The following SRGN variants were observed in gnomAD, a reference collection of about 807,000 sequenced individuals.
The protein encoded by SRGN is hematopoetic proteoglycan core peptide.
In SRGN, 2 loss-of-function variants were observed where a neutral mutation model predicts 9.5. The observed-to-expected ratio is 0.21, with a 90% CI of 0.09 to 0.66. SRGN has a LOEUF of 0.66. SRGN is among the 30% of genes least tolerant of loss of function. The pLI, the probability that SRGN is intolerant of heterozygous loss-of-function variation, is 0.83. For synonymous variants in SRGN, 59 were observed against 72.3 expected, an observed-to-expected ratio of 0.82 and a Z score of 0.93; for missense variants, 170 against 192.4, an observed-to-expected ratio of 0.88 and a Z score of 0.69.
At chr10:69,101,558 A>G (rs976358180) in intron 2 of SRGN, among the ~76,000 whole-genome samples, 6 of 151,884 alleles carry the variant, frequency 4.0e-5, no homozygotes, top group African/African-American at 7.3e-5. Flanking sequence ...TTTAGGCAAC[A>G]TCTCTCCTTT....
In SRGN at chr10:69,103,761, A is replaced by T; in HGVS notation, c.228-110A>T. On this transcript the variant is annotated intron_variant, in intron 2 of 2. Transcript: ENST00000242465. Reference sequence around the variant, plus strand: ...GGAAGCTTTTAAATCTCTTAATTTGAGCAACTAGATGGCTGTATTTATCTC... The same window carrying T: ...GGAAGCTTTTAAATCTCTTAATTTGTGCAACTAGATGGCTGTATTTATCTC... 3 of 1,176,050 alleles carry T rather than the reference A, an allele frequency of 2.6e-6. No homozygotes were observed. The South Asian group carries it at 4.8e-5, about 19-fold the overall frequency. The allele number at this position is 1,176,050 out of a possible 1,614,324, so 72.9% of individuals were successfully genotyped here.
intron 1 of SRGN, among the ~76,000 whole-genome samples, chr10:69,089,618 G>A (rs1048563212): frequency 2.0e-5 from 3 of 152,196 alleles, no homozygotes; most frequent in African/African-American, 7.2e-5. Context: ...GAAGAAGGCC[G>A]GGCATGGTGG....
Position 69,100,568 on chromosome 10 carries a change from T to C in SRGN, c.228-3303T>C, listed in dbSNP as rs1564662326. ...CAAAGCCAGTAACTGCTTCTCACCC[T>C]GACCCTGTGCTTTCTTTCCCGTCAT... On this transcript the variant is annotated intron_variant, in intron 2 of 2. Coordinates refer to ENST00000242465, the MANE Select transcript of SRGN (RefSeq NM_002727.4). Among the ~76,000 whole-genome samples, 4 of 152,340 alleles carry C rather than the reference T, an allele frequency of 2.6e-5. No homozygotes were observed. In the South Asian group the frequency reaches 8.3e-4, roughly 32 times the overall value.
intron 1 of SRGN, among the ~76,000 whole-genome samples, chr10:69,089,353 CT>C (rs1342192009): frequency 1.3e-5 from 2 of 152,110 alleles, no homozygotes; most frequent in Non-Finnish European, 1.5e-5. Context: ...TCACTGGGAT[CT>C]TTTAGGGAAT....
chr10:69,088,141 G>C lies in SRGN; in HGVS notation c.-17G>C. 4 of 1,612,698 alleles carry C rather than the reference G, an allele frequency of 2.5e-6. No individual in the cohort carries two copies. Among genetic ancestry groups the C allele is most frequent in the Non-Finnish European group, 3.4e-6 (4 of 1,178,746 alleles). ...AAGAAGTTGGCGTGCAGCTGGGAGA[G>C]CTAGACTAAGTTGGTCATGATGCAG... is the stretch of plus-strand genomic sequence containing the variant. On this transcript the variant is annotated 5_prime_UTR_variant, in exon 1 of 3. Transcript: ENST00000242465.
chr10:69,100,244 T>C (rs1380700744), intron 2 of SRGN, among the ~76,000 whole-genome samples: 2 of 151,936 alleles, frequency 1.3e-5, no homozygotes, highest in Non-Finnish European at 2.9e-5. Flanking sequence ...CTCGTCTCTA[T>C]AGAAAGACAC....
chr10:69,094,488 T>C (rs957490375), intron 1 of SRGN, among the ~76,000 whole-genome samples: 2 of 152,234 alleles, frequency 1.3e-5, no homozygotes, highest in Admixed American at 1.3e-4. Context: ...TATTTTTGTG[T>C]ATTTCCTTCC....
At chr10:69,092,522 G>T (rs192222074) in intron 1 of SRGN, among the ~76,000 whole-genome samples, 298 of 152,284 alleles carry the variant, frequency 2.0e-3, no homozygotes, top group African/African-American at 6.9e-3. Flanking sequence ...GGCCAGGTGT[G>T]GTGGCTCATG....
intron 2 of SRGN, among the ~76,000 whole-genome samples, chr10:69,103,305 C>T (rs1014448731): frequency 6.8e-4 from 32 of 47,292 alleles, no homozygotes; most frequent in Non-Finnish European, 1.9e-3. Context: ...AATCCCAGCA[C>T]TTTGGGAGGT....
chr10:69,090,063 A>G (rs1840018541), intron 1 of SRGN, among the ~76,000 whole-genome samples: 1 of 152,216 alleles, frequency 6.6e-6, no homozygotes, highest in Non-Finnish European at 1.5e-5. Context: ...AGAAACTGAC[A>G]AACTAGGGTG....
At chr10:69,102,049 T>C (rs997877157) in intron 2 of SRGN, among the ~76,000 whole-genome samples, 6 of 146,620 alleles carry the variant, frequency 4.1e-5, no homozygotes, top group Non-Finnish European at 7.6e-5. Flanking sequence ...GCCCTTTCTG[T>C]AAAAAAAAAA....
intron 1 of SRGN, among the ~76,000 whole-genome samples, chr10:69,096,018 C>T (rs943380624): frequency 6.6e-6 from 1 of 152,188 alleles, no homozygotes; most frequent in African/African-American, 2.4e-5. Context: ...AGCTGAGACT[C>T]AGATATTCCA....
At chr10:69,094,275 G>A (rs1840129448) in intron 1 of SRGN, among the ~76,000 whole-genome samples, 1 of 152,104 alleles carries the variant, frequency 6.6e-6, no homozygotes, top group Non-Finnish European at 1.5e-5. Context: ...ACCAGACATT[G>A]TAAGCTATAC....
intron 1 of SRGN, among the ~76,000 whole-genome samples, chr10:69,091,367 G>A (rs1451796100): frequency 6.6e-6 from 1 of 152,150 alleles, no homozygotes; most frequent in Non-Finnish European, 1.5e-5. Flanking sequence ...ACTGAGTTGA[G>A]GGAGAAATTG....
At chr10:69,087,844 T>A (rs1839969112), upstream of SRGN, among the ~76,000 whole-genome samples, 1 of 152,072 alleles carries the variant, frequency 6.6e-6, no homozygotes, top group African/African-American at 2.4e-5. Flanking sequence ...AAATGCTGAT[T>A]CTACTGTTTC....
At chr10:69,093,627 C>T (rs1220811378) in intron 1 of SRGN, among the ~76,000 whole-genome samples, 2 of 152,188 alleles carry the variant, frequency 1.3e-5, no homozygotes, top group African/African-American at 2.4e-5. Context: ...CCTATAATCT[C>T]AGCACTTTGG....
intron 2 of SRGN, among the ~76,000 whole-genome samples, chr10:69,103,442 C>A (rs946509644): frequency 1.3e-5 from 2 of 151,944 alleles, no homozygotes; most frequent in East Asian, 2.0e-4. Context: ...ACTCGGGAGG[C>A]TGAGGCAGGA....
chr10:69,095,875 G>A (rs1564660217), intron 1 of SRGN, among the ~76,000 whole-genome samples: 1 of 151,824 alleles, frequency 6.6e-6, no homozygotes, highest in Non-Finnish European at 1.5e-5. Context: ...TCGTGACAGT[G>A]CACTCCAGCC....
At chr10:69,100,826 C>T (rs566147832) in intron 2 of SRGN, among the ~76,000 whole-genome samples, 1 of 152,132 alleles carries the variant, frequency 6.6e-6, no homozygotes, top group East Asian at 1.9e-4. Context: ...GTTTCTTCTC[C>T]TTACTCCCTG....
Sources: allele counts gnomAD v4.1 joint callset (sites outside exome capture counted in the v4.1 genomes callset), GRCh38; gene constraint gnomAD v4.1.1; transcripts MANE v1.5; gene names NCBI Gene and HGNC (gene_info 2026-07-23, HGNC 2026-07-21).